MYO5B: variants seen among roughly 807,000 people sequenced by gnomAD.
The protein encoded by MYO5B is unconventional myosin-Vb.
MYO5B carries 143 observed loss-of-function variants against 229.3 expected under a neutral mutation model. That is an observed-to-expected ratio of 0.62 (90% CI 0.54 to 0.72). The LOEUF is 0.72. MYO5B is among the 30% of genes least tolerant of loss of function. The probability of loss-of-function intolerance (pLI) is 0.00; values close to 1 mark genes in which losing one functional copy is unlikely to be tolerated. For synonymous variants in MYO5B, 918 were observed against 885.2 expected, an observed-to-expected ratio of 1.04 and a Z score of -0.66; for missense variants, 2,321 against 2,331.0, an observed-to-expected ratio of 1.00 and a Z score of 0.09.
chr18:50,097,626 C>T (rs2031577571), intron 1 of MYO5B: 1 of 203,302 alleles, frequency 4.9e-6, no homozygotes, highest in African/African-American at 2.3e-5. Context: ...GCTTCCTCTC[C>T]AGGCAATAAG....
intron 1 of MYO5B, among the ~76,000 whole-genome samples, chr18:50,163,243 A>G (rs554858337): frequency 3.3e-5 from 5 of 152,266 alleles, no homozygotes; most frequent in Admixed American, 3.3e-4. Flanking sequence ...ACTCTCCAAA[A>G]GGGAAAAAGT....
At chr18:49,927,435 AAAAACAAAAC>A (rs763156482) in intron 17 of MYO5B, among the ~76,000 whole-genome samples, 20 of 139,406 alleles carry the variant, frequency 1.4e-4, no homozygotes, top group African/African-American at 5.9e-4. Flanking sequence ...GCAAAAACAA[AAAAACAAAAC>A]AAAACAAAAC....
chr18:50,035,393 A>C (rs192253490), intron 4 of MYO5B, among the ~76,000 whole-genome samples: 5 of 152,234 alleles, frequency 3.3e-5, no homozygotes, highest in African/African-American at 4.8e-5. Flanking sequence ...TTTCAGAACC[A>C]TAAAGAAACC....
intron 1 of MYO5B, among the ~76,000 whole-genome samples, chr18:50,098,256 C>T (rs1480948543): frequency 6.6e-6 from 1 of 151,878 alleles, no homozygotes; most frequent in Non-Finnish European, 1.5e-5. Context: ...CACTATGTTA[C>T]TTAAAATCAG....
At chr18:49,983,810 G>T (rs367811076) in intron 8 of MYO5B, among the ~76,000 whole-genome samples, 1 of 152,190 alleles carries the variant, frequency 6.6e-6, no homozygotes, top group Non-Finnish European at 1.5e-5. Context: ...CTCTGGGAGC[G>T]TGGCAAATAA....
intron 14 of MYO5B, among the ~76,000 whole-genome samples, chr18:49,944,335 C>T (rs181638575): frequency 3.4e-4 from 52 of 152,146 alleles, no homozygotes; most frequent in African/African-American, 1.1e-3. Context: ...CCACAGAGAA[C>T]GGCAATGACT....
chr18:49,906,578 T>C lies in MYO5B; in HGVS notation c.2255A>G (p.Gln752Arg). ...GRTKIFFRAGQVAYLEKLRAD... is the reference protein window; with the variant it reads ...GRTKIFFRAGRVAYLEKLRAD... ...CCGCAGCTTCTCCAGGTAGGCCACC[T>C]GGCCTGCTCGAAAGAAGATCTTGGT... is the stretch of plus-strand genomic sequence containing the variant. Residue 752 changes from glutamine (Q) to arginine (R), a missense_variant, in exon 19 of 40, where the codon CAG becomes CGG. Coordinates refer to ENST00000285039, the MANE Select transcript of MYO5B (RefSeq NM_001080467.3). The C allele has an allele frequency of 6.2e-7, 1 of 1,614,166 alleles. No individual in the cohort carries two copies. Among genetic ancestry groups the C allele is most frequent in the East Asian group, 2.2e-5 (1 of 44,890 alleles).
At chr18:49,974,266 T>TCTCCAATGC (rs1284911953) in intron 10 of MYO5B, 84 bp downstream of exon 10, 2 of 1,591,900 alleles carry the variant, frequency 1.3e-6, no homozygotes, top group Non-Finnish European at 1.7e-6. Flanking sequence ...ACCAGGAAGC[T>TCTCCAATGC]CTCCAATGCC....
intron 39 of MYO5B, among the ~76,000 whole-genome samples, chr18:49,829,336 A>G (rs1408516338): frequency 1.3e-5 from 2 of 152,220 alleles, no homozygotes; most frequent in Admixed American, 1.3e-4. Context: ...AAAATTTAAC[A>G]CCAACAAATT....
In MYO5B at chr18:50,036,989, C is replaced by T. The variant is rs754688861; in HGVS notation, c.316G>A (p.Val106Ile). ...TCATAAGGATTAATGGCAACAAGTACGATACCTGCAAACAGACAAGGTGGT... is the reference window on the plus strand; with the variant it reads ...TCATAAGGATTAATGGCAACAAGTATGATACCTGCAAACAGACAAGGTGGT... ...SNHIYTYCGIVLVAINPYEQL... is the reference protein window; with the variant it reads ...SNHIYTYCGIILVAINPYEQL... Residue 106 changes from valine (V) to isoleucine (I), a missense_variant, in exon 4 of 40, where the codon GTA becomes ATA. Around this residue, in one of 2 missense-constraint regions of MYO5B, gnomAD observed 2,113 missense variants for 2,044.7 expected, o/e 1.03. Transcript: ENST00000285039. The T allele has an allele frequency of 1.6e-5, 26 of 1,613,954 alleles. No homozygotes were observed. The highest frequency in any genetic ancestry group is 5.0e-5 in the Admixed American group (3 of 59,992).
chr18:50,071,116 GC>G (rs2030948842), intron 1 of MYO5B, among the ~76,000 whole-genome samples: 1 of 152,188 alleles, frequency 6.6e-6, no homozygotes, highest in African/African-American at 2.4e-5. Context: ...GGGCCACCAT[GC>G]CCAGCACTAA....
chr18:49,992,467 AAG>A (rs1184634961), intron 5 of MYO5B, 36 bp from the exon 6 acceptor site: 1 of 1,613,972 alleles, frequency 6.2e-7, no homozygotes, highest in Non-Finnish European at 8.5e-7. Flanking sequence ...ATGAAAAAAA[AAG>A]AGGGCTTTCT....
At chr18:50,189,210 T>A (rs2033194934) in intron 1 of MYO5B, among the ~76,000 whole-genome samples, 1 of 152,128 alleles carries the variant, frequency 6.6e-6, no homozygotes, top group Non-Finnish European at 1.5e-5. Context: ...GCTCCTAGAA[T>A]CTGATCCTGA....
chr18:49,953,953 ATGTGTGTGTGTG>A lies in MYO5B; in HGVS notation c.1668+348_1668+359del, dbSNP rs33921831. ...GTGTGTAGACTATATATATACAGACATGTGTGTGTGTGTATGTGTGTGTGTATAGACTATATA... is the reference window on the plus strand; with the variant it reads ...GTGTGTAGACTATATATATACAGACATATGTGTGTGTGTATAGACTATATA... On this transcript the variant is annotated intron_variant, in intron 13 of 39. Coordinates refer to ENST00000285039, the MANE Select transcript of MYO5B (RefSeq NM_001080467.3). Among the ~76,000 whole-genome samples the A allele has an allele frequency of 2.5e-3, 103 of 41,912 alleles. 1 individual carries two copies. The highest frequency in any genetic ancestry group is 8.6e-3 in the African/African-American group (90 of 10,464). 27.5% of individuals were successfully genotyped at this position (41,912 alleles called of 152,430 possible). A position where few individuals can be genotyped will look rare whatever the true frequency, so the allele number is the denominator to read the frequency against.
chr18:49,997,237 C>T (rs564976608), intron 5 of MYO5B, among the ~76,000 whole-genome samples: 4 of 136,792 alleles, frequency 2.9e-5, no homozygotes, highest in Non-Finnish European at 4.6e-5. Context: ...ATTGCACTTC[C>T]GCCTGGGTGA....
At chr18:49,917,026 A>G (rs1207543729) in intron 17 of MYO5B, among the ~76,000 whole-genome samples, 1 of 152,218 alleles carries the variant, frequency 6.6e-6, no homozygotes, top group African/African-American at 2.4e-5. Context: ...CAGCCCACTC[A>G]TGAAGACCAC....
chr18:50,149,255 C>T (rs1329231144), intron 1 of MYO5B, among the ~76,000 whole-genome samples: 1 of 151,910 alleles, frequency 6.6e-6, no homozygotes, highest in East Asian at 1.9e-4. Flanking sequence ...AATGGCCATA[C>T]TGCCCAAGGT....
Position 49,936,240 on chromosome 18 carries a change from G to A in MYO5B, c.2003+12C>T, listed in dbSNP as rs761696745. ...GCTGGGCTGGACAGGCTAATGCCCA[G>A]CAGGCACTTACTGAAAGGGGAGCTT... On this transcript the variant is annotated intron_variant, in intron 16 of 39. Coordinates refer to ENST00000285039, the MANE Select transcript of MYO5B (RefSeq NM_001080467.3). The A allele has an allele frequency of 7.6e-6, 12 of 1,577,544 alleles. No individual in the cohort carries two copies. The highest frequency in any genetic ancestry group is 1.0e-5 in the Non-Finnish European group (12 of 1,158,462).
intron 1 of MYO5B, among the ~76,000 whole-genome samples, chr18:50,128,008 A>T (rs1172472091): frequency 6.6e-6 from 1 of 151,968 alleles, no homozygotes; most frequent in African/African-American, 2.4e-5. Flanking sequence ...TACACCACTG[A>T]CTCTGCTGGT....
Sources: gnomAD v4.1 joint callset for allele counts (sites outside exome capture counted in the v4.1 genomes callset) on GRCh38, gnomAD v4.1.1 for gene constraint, gnomAD v4.1.1 regional missense constraint, MANE v1.5 for transcripts, NCBI Gene and HGNC (gene_info 2026-07-23, HGNC 2026-07-21) for gene names.